PDE9A: variants seen among roughly 807,000 people sequenced by gnomAD.
The protein encoded by PDE9A is high affinity cGMP-specific 3',5'-cyclic phosphodiesterase 9A.
In PDE9A, 60 loss-of-function variants were observed where a neutral mutation model predicts 87.4. The observed-to-expected ratio is 0.69, with a 90% CI of 0.56 to 0.85. The LOEUF (loss-of-function observed/expected upper bound fraction) is 0.85, where lower values mean the gene tolerates loss of function less well. PDE9A is among the 40% of genes least tolerant of loss of function. The pLI, the probability that PDE9A is intolerant of heterozygous loss-of-function variation, is 0.00. For synonymous variants in PDE9A, 272 were observed against 279.4 expected (o/e 0.97, Z 0.27); for missense variants, 665 against 779.0 (o/e 0.85, Z 1.74).
chr21:42,773,663 T>A (rs774847023), intron 19 of PDE9A, among the ~76,000 whole-genome samples: 1 of 149,268 alleles, frequency 6.7e-6, no homozygotes, highest in East Asian at 2.0e-4. Context: ...TAGCCGGGCG[T>A]GGTGGCGGGT....
At chr21:42,773,128 G>A (rs1197635096) in intron 19 of PDE9A, among the ~76,000 whole-genome samples, 15 of 151,088 alleles carry the variant, frequency 9.9e-5, no homozygotes, top group Non-Finnish European at 1.9e-4. Context: ...CAGGTGTTGT[G>A]GCGTGCACCT....
intron 1 of PDE9A, among the ~76,000 whole-genome samples, chr21:42,669,399 TGA>T (rs1179180075): frequency 6.6e-6 from 1 of 152,212 alleles, no homozygotes; most frequent in African/African-American, 2.4e-5. Context: ...TCCTTCCCAC[TGA>T]GTTTCACTCC....
chr21:42,730,767 G>A (rs71320553), intron 4 of PDE9A, among the ~76,000 whole-genome samples: 21,566 of 152,092 alleles, frequency 0.14, 2,118 homozygotes, highest in Non-Finnish European at 0.23. Context: ...GTCTCCATTG[G>A]GTGGGCGTGC....
chr21:42,772,161 G>A (rs1489107726), intron 18 of PDE9A, among the ~76,000 whole-genome samples: 4 of 152,196 alleles, frequency 2.6e-5, no homozygotes, highest in Non-Finnish European at 4.4e-5. Context: ...AGCCCAAGCC[G>A]CAGGCTCTGC....
At chr21:42,764,551 C>T (rs2056171656) in intron 14 of PDE9A, among the ~76,000 whole-genome samples, 1 of 152,216 alleles carries the variant, frequency 6.6e-6, no homozygotes, top group Non-Finnish European at 1.5e-5. Flanking sequence ...CGGAGAGCAT[C>T]CCGCAAGAGA....
chr21:42,715,274 T>C lies in PDE9A; in HGVS notation c.262+16263T>C, dbSNP rs370871445. Reference sequence around the variant, plus strand: ...GAGTGAAAAGTGTGGAGCTCCCACATGTTCCCCCCACACACAGACATTCAG... The same window carrying C: ...GAGTGAAAAGTGTGGAGCTCCCACACGTTCCCCCCACACACAGACATTCAG... On this transcript the variant is annotated intron_variant, in intron 4 of 19. Transcript: ENST00000291539. Among the ~76,000 whole-genome samples the C allele has an allele frequency of 1.3e-4, 19 of 149,492 alleles. No individual in the cohort carries two copies. The South Asian group carries it at 1.9e-3, about 15-fold the overall frequency.
chr21:42,775,369 C>T lies in PDE9A; in HGVS notation c.*76C>T, dbSNP rs963954817. 2 of 1,294,934 alleles carry T rather than the reference C, an allele frequency of 1.5e-6. No individual in the cohort carries two copies. The highest frequency in any genetic ancestry group is 2.2e-6 in the Non-Finnish European group (2 of 925,242). 80.2% of individuals were successfully genotyped at this position (1,294,934 alleles called of 1,614,324 possible). ...GGGATCCTTGTGCAGGGAAGAGCTG[C>T]CCTGGGCACCTGGCACCACAAGACC... On this transcript the variant is annotated 3_prime_UTR_variant, in exon 20 of 20. Coordinates refer to ENST00000291539, the MANE Select transcript of PDE9A (RefSeq NM_002606.3).
At position 42,722,989 on chromosome 21, in the gene PDE9A, G is replaced by A. The variant is rs955074418; in HGVS notation, c.263-8781G>A. The stretch of plus-strand genomic sequence containing the variant: ...AGTCAGGCAATGGCTTCTGGGCATC[G>A]TGTGGGGTGGGGGCAGCCCCTGCCC... On this transcript the variant is annotated intron_variant, in intron 4 of 19. Coordinates refer to ENST00000291539, the MANE Select transcript of PDE9A (RefSeq NM_002606.3). This position sits in a 1 kb window ranked among gnomAD's most constrained non-coding sequence, Gnocchi z 4.1. Among the ~76,000 whole-genome samples, 23 of 152,218 alleles carry A rather than the reference G, an allele frequency of 1.5e-4. No individual in the cohort carries two copies. Among genetic ancestry groups the A allele is most frequent in the East Asian group, 1.9e-4 (1 of 5,194 alleles).
intron 3 of PDE9A, chr21:42,697,305 G>T (rs1240909757): frequency 7.0e-6 from 5 of 712,284 alleles, no homozygotes; most frequent in Admixed American, 2.2e-5. Context: ...AAATTGTAAA[G>T]ATTTTCCACG....
At chr21:42,742,208 G>A (rs909134318) in intron 7 of PDE9A, among the ~76,000 whole-genome samples, 6 of 152,116 alleles carry the variant, frequency 3.9e-5, no homozygotes, top group African/African-American at 1.4e-4. Flanking sequence ...AACTGCCCAA[G>A]GGGTTCACCC....
intron 1 of PDE9A, among the ~76,000 whole-genome samples, chr21:42,671,578 T>C (rs941362669): frequency 1.3e-5 from 2 of 152,222 alleles, no homozygotes; most frequent in Admixed American, 6.5e-5. Flanking sequence ...TGTGTATATA[T>C]ATAATTTGTA....
chr21:42,753,423 C>T (rs888118204), intron 9 of PDE9A, among the ~76,000 whole-genome samples: 9 of 152,172 alleles, frequency 5.9e-5, no homozygotes, highest in Admixed American at 2.6e-4. Context: ...CCACCACAAG[C>T]GAGATATGGA....
intron 1 of PDE9A, among the ~76,000 whole-genome samples, chr21:42,683,207 G>A (rs868430727): frequency 1.3e-5 from 2 of 152,102 alleles, no homozygotes; most frequent in Non-Finnish European, 2.9e-5. Flanking sequence ...GAAGCCAGCT[G>A]TTCCTCAACT....
At chr21:42,662,832 CCCA>C (rs1222645899) in intron 1 of PDE9A, among the ~76,000 whole-genome samples, 1 of 137,810 alleles carries the variant, frequency 7.3e-6, no homozygotes, top group Non-Finnish European at 1.5e-5. Flanking sequence ...CACGCACACA[CCCA>C]CCACACACCA....
At chr21:42,662,207 T>C (rs2057553736) in intron 1 of PDE9A, among the ~76,000 whole-genome samples, 1 of 152,146 alleles carries the variant, frequency 6.6e-6, no homozygotes, top group Admixed American at 6.5e-5. Flanking sequence ...TCTCAGTGCC[T>C]GGTGGAGACC....
intron 1 of PDE9A, among the ~76,000 whole-genome samples, chr21:42,682,097 G>A (rs1380398490): frequency 6.6e-6 from 1 of 152,244 alleles, no homozygotes; most frequent in Non-Finnish European, 1.5e-5. Context: ...GGCGCCGCTG[G>A]AGACTAATGA....
intron 8 of PDE9A, among the ~76,000 whole-genome samples, chr21:42,744,882 G>A (rs531916434): frequency 6.6e-6 from 1 of 152,360 alleles, no homozygotes; most frequent in Admixed American, 6.5e-5. Flanking sequence ...GCTGTGCTTA[G>A]TGAGGGGCAC....
chr21:42,686,174 C>G lies in PDE9A; in HGVS notation c.70-18C>G. ...CCCGCCGCCCTCGCTGCCGCCTCAC[C>G]GCGCTTCTGTTTTGCAGGTAATCTT... On this transcript the variant is annotated intron_variant, in intron 1 of 19. Coordinates refer to ENST00000291539, the MANE Select transcript of PDE9A (RefSeq NM_002606.3). 6.2e-7 allele frequency: 1 copy of G among 1,610,236 alleles called. No individual in the cohort carries two copies. The highest frequency in any genetic ancestry group is 8.5e-7 in the Non-Finnish European group (1 of 1,176,500).
chr21:42,740,700 GGTA>G (rs1569228754), intron 7 of PDE9A, among the ~76,000 whole-genome samples: 2 of 128,412 alleles, frequency 1.6e-5, no homozygotes. Context: ...TAGGTAGGTA[GGTA>G]GTAGATAGAT....
Sources: allele counts gnomAD v4.1 joint callset (sites outside exome capture counted in the v4.1 genomes callset), GRCh38; gene constraint gnomAD v4.1.1; non-coding constraint Gnocchi (gnomAD v3.1); transcripts MANE v1.5; gene names NCBI Gene and HGNC (gene_info 2026-07-23, HGNC 2026-07-21).